MAP3K7CL: variants seen among roughly 807,000 people sequenced by gnomAD.
The protein encoded by MAP3K7CL is MAP3K7 C-terminal like, also known as MAP3K7 C-terminal-like protein.
MAP3K7CL carries 16 observed loss-of-function variants against 18.6 expected under a neutral mutation model. The observed-to-expected ratio is 0.86, with a 90% CI of 0.58 to 1.31. MAP3K7CL has a LOEUF of 1.31. MAP3K7CL is among the 50% of genes most tolerant of loss of function. The pLI is 0.00. For synonymous variants in MAP3K7CL, 65 were observed against 66.8 expected (o/e 0.97, Z 0.13); for missense variants, 163 against 174.4 (o/e 0.93, Z 0.37).
chr21:29,081,365 C>T (rs914298769), upstream of MAP3K7CL, among the ~76,000 whole-genome samples: 24 of 152,170 alleles, frequency 1.6e-4, no homozygotes, highest in African/African-American at 3.9e-4. Context: ...CTGGCTAACA[C>T]GGTGAAACCC....
chr21:29,160,540 A>G (rs2087521211), intron 4 of MAP3K7CL, among the ~76,000 whole-genome samples: 1 of 152,216 alleles, frequency 6.6e-6, no homozygotes, highest in African/African-American at 2.4e-5. Context: ...GCTATAGGGA[A>G]TTATACAGTT....
At chr21:29,143,493 G>T (rs991684850) in intron 2 of MAP3K7CL, among the ~76,000 whole-genome samples, 2 of 151,846 alleles carry the variant, frequency 1.3e-5, no homozygotes, top group Non-Finnish European at 2.9e-5. Context: ...CGCAATCTCG[G>T]CTCACTGCAA....
At chr21:29,126,583 T>C (rs1419006125), upstream of MAP3K7CL, among the ~76,000 whole-genome samples, 1 of 152,100 alleles carries the variant, frequency 6.6e-6, no homozygotes, top group Non-Finnish European at 1.5e-5. Flanking sequence ...CTCAGCCTCC[T>C]GAGTAGCTGG....
intron 3 of MAP3K7CL, among the ~76,000 whole-genome samples, chr21:29,154,075 G>A (rs2087342020): frequency 6.6e-6 from 1 of 152,156 alleles, no homozygotes; most frequent in Admixed American, 6.6e-5. Context: ...GTGATTTCCA[G>A]CATGTTATTT....
At chr21:29,084,998 A>G (rs769189196), upstream of MAP3K7CL, 1 of 152,238 alleles carries the variant, frequency 6.6e-6, no homozygotes, top group Non-Finnish European at 1.5e-5. Context: ...AGACTTTGCC[A>G]AAAATTCACA....
chr21:29,162,911 C>G (rs1194756083), intron 4 of MAP3K7CL, among the ~76,000 whole-genome samples: 1 of 152,048 alleles, frequency 6.6e-6, no homozygotes, highest in African/African-American at 2.4e-5. Flanking sequence ...TTGAGACTAG[C>G]CTGGCCAACA....
intron 2 of MAP3K7CL, among the ~76,000 whole-genome samples, chr21:29,147,259 G>A (rs1052787265): frequency 3.3e-5 from 5 of 151,816 alleles, no homozygotes; most frequent in East Asian, 1.9e-4. Flanking sequence ...GTATATGTAT[G>A]TGTACTATAT....
At chr21:29,122,744 G>C (rs543506670) in intron 4 of MAP3K7CL, among the ~76,000 whole-genome samples, 19 of 152,268 alleles carry the variant, frequency 1.2e-4, no homozygotes, top group Admixed American at 8.5e-4. Context: ...AGGCCAGGGT[G>C]ATTTTGGAAA....
chr21:29,153,693 C>T lies in MAP3K7CL; in HGVS notation c.132+4443C>T, dbSNP rs139284931. Among the ~76,000 whole-genome samples, 78 of 152,278 alleles carry T rather than the reference C, an allele frequency of 5.1e-4. 1 individual carries two copies. The East Asian group carries it at 0.014, about 27-fold the overall frequency. On this transcript the variant is annotated intron_variant, in intron 3 of 4. Transcript: ENST00000399928. ...CAAACTCCTGTGCTCAAGGGATCTG[C>T]CCACCTCAGGCTCCCAAAATGCTGA...
chr21:29,092,245 G>C (rs1379059925), intron 3 of MAP3K7CL: 2 of 580,456 alleles, frequency 3.4e-6, no homozygotes, highest in Non-Finnish European at 6.0e-6. Context: ...CTGGAATCCA[G>C]GATTCTGAGT....
chr21:29,090,553 G>A (rs1291560965), intron 1 of MAP3K7CL, among the ~76,000 whole-genome samples: 1 of 152,048 alleles, frequency 6.6e-6, no homozygotes, highest in Non-Finnish European at 1.5e-5. Flanking sequence ...CTAATTTTTT[G>A]TATTTTTAGT....
intron 3 of MAP3K7CL, among the ~76,000 whole-genome samples, chr21:29,153,872 C>A (rs1003093530): frequency 1.3e-5 from 2 of 152,206 alleles, no homozygotes; most frequent in Non-Finnish European, 1.5e-5. Flanking sequence ...ACTGCTTAAG[C>A]ATGTTATGTT....
At chr21:29,145,796 A>G (rs3787659) in intron 2 of MAP3K7CL, 66,928 of 151,918 alleles carry the variant, frequency 0.44, 15,075 homozygotes, top group East Asian at 0.61. Flanking sequence ...CTTTAACAAA[A>G]GTCTTACTTT....
At chr21:29,120,656 TTTTCTTTCTTTCTTTTTC>T (rs552462951) in intron 4 of MAP3K7CL, among the ~76,000 whole-genome samples, 134 of 136,386 alleles carry the variant, frequency 9.8e-4, no homozygotes, top group Non-Finnish European at 1.5e-3. Flanking sequence ...TTTGAGTCTC[TTTTCTTTCTTTCTTTTTC>T]TTTCTTTCTT....
At chr21:29,150,756 C>G (rs1166889803) in intron 3 of MAP3K7CL, among the ~76,000 whole-genome samples, 2 of 147,954 alleles carry the variant, frequency 1.4e-5, no homozygotes, top group African/African-American at 2.5e-5. Flanking sequence ...CAATTCAGCT[C>G]TCCCTCTACC....
At chr21:29,166,158 C>T (rs1270781148) in intron 4 of MAP3K7CL, among the ~76,000 whole-genome samples, 1 of 152,158 alleles carries the variant, frequency 6.6e-6, no homozygotes, top group Non-Finnish European at 1.5e-5. Context: ...CCATACCCCT[C>T]TTCCTACCAC....
intron 4 of MAP3K7CL, among the ~76,000 whole-genome samples, chr21:29,105,153 G>GGGC (rs1351578672): frequency 6.6e-6 from 1 of 152,156 alleles, no homozygotes; most frequent in Non-Finnish European, 1.5e-5. Context: ...ATCATTCTCT[G>GGGC]GGCAATTCCT....
intron 4 of MAP3K7CL, among the ~76,000 whole-genome samples, chr21:29,124,631 A>G (rs1305319050): frequency 1.3e-5 from 2 of 152,190 alleles, no homozygotes; most frequent in African/African-American, 4.8e-5. Flanking sequence ...GGATCAGGTA[A>G]AGTCTGTCCC....
At chr21:29,083,018 A>G (rs942139237), upstream of MAP3K7CL, among the ~76,000 whole-genome samples, 4 of 152,120 alleles carry the variant, frequency 2.6e-5, no homozygotes, top group African/African-American at 9.7e-5. Context: ...TAGTGTCATC[A>G]TTCTTCGTGT....
Sources: allele counts gnomAD v4.1 joint callset (sites outside exome capture counted in the v4.1 genomes callset), GRCh38; gene constraint gnomAD v4.1.1; transcripts MANE v1.5; gene names NCBI Gene and HGNC (gene_info 2026-07-23, HGNC 2026-07-21).